Variants in PDE10A observed in about 807,000 individuals in gnomAD.
PDE10A encodes the protein phosphodiesterase 10A.
In PDE10A, 39 loss-of-function variants were observed where a neutral mutation model predicts 97.7. The ratio of observed to expected loss-of-function variants is 0.40; its 90% CI spans 0.31 to 0.52. PDE10A has a LOEUF of 0.52. PDE10A is among the 20% of genes least tolerant of loss of function. PDE10A has a pLI of 0.56. For missense variants in PDE10A, 731 were observed against 1,047.8 expected (o/e 0.70, Z 4.17); for synonymous variants, 371 against 376.8 (o/e 0.98, Z 0.18).
In PDE10A at chr6:165,433,079, C is replaced by G; in HGVS notation, c.1386G>C (p.Gln462His). ...GTGLESGTRI[Q>H]SVLCLPIVTA... Reference sequence around the variant, plus strand: ...TGACAATTGGTAAGCAAAGAACAGACTGGATACGAGTCCCTGATTCCAGTC... The same window carrying G: ...TGACAATTGGTAAGCAAAGAACAGAGTGGATACGAGTCCCTGATTCCAGTC... The change falls in exon 7 of 22, where the codon CAG becomes CAC. Residue 462 changes from glutamine (Q) to histidine (H), a missense_variant. Coordinates refer to ENST00000539869, the MANE Select transcript of PDE10A (RefSeq NM_001385079.1). The G allele has an allele frequency of 6.2e-7, 1 of 1,613,534 alleles. No homozygotes were observed.
In PDE10A at chr6:165,794,141, T is replaced by TCA. The variant is rs1441109172; in HGVS notation, c.-615+193386_-615+193387dup. On this transcript the variant is annotated intron_variant, in intron 1 of 19. Transcript: ENST00000366882. Reference sequence around the variant, plus strand: ...TACACACACACACACACGCTCACACTCACTCACACACACTCACTGCACACT... The same window carrying TCA: ...TACACACACACACACACGCTCACACTCACACTCACACACACTCACTGCACACT... Among the ~76,000 whole-genome samples the TCA allele has an allele frequency of 1.5e-3, 219 of 148,588 alleles. 2 individuals are homozygous for TCA. Among genetic ancestry groups the TCA allele is most frequent in the African/African-American group, 5.2e-3 (211 of 40,206 alleles).
intron 1 of PDE10A, among the ~76,000 whole-genome samples, chr6:165,796,096 T>C (rs12191599): frequency 0.39 from 40,694 of 103,482 alleles, 5,639 homozygotes; most frequent in Middle Eastern, 0.43. Flanking sequence ...CTTTTCTTTT[T>C]TTTTTTTTTT....
intron 2 of PDE10A, among the ~76,000 whole-genome samples, chr6:165,534,096 T>C (rs1240670626): frequency 6.6e-6 from 1 of 151,814 alleles, no homozygotes; most frequent in Non-Finnish European, 1.5e-5. Context: ...AAACCAGATA[T>C]GACAAAGGAG....
chr6:165,380,437 T>C (rs1206809686), intron 17 of PDE10A, among the ~76,000 whole-genome samples: 1 of 152,226 alleles, frequency 6.6e-6, no homozygotes, highest in African/African-American at 2.4e-5. Flanking sequence ...TTTTCAATTA[T>C]CAGAACAGTT....
chr6:165,931,982 C>G (rs1298848912), intron 1 of PDE10A, among the ~76,000 whole-genome samples: 3 of 152,200 alleles, frequency 2.0e-5, no homozygotes, highest in Admixed American at 1.3e-4. Context: ...AGGTCAGAGT[C>G]CCCTCACGAG....
intron 2 of PDE10A, among the ~76,000 whole-genome samples, chr6:165,490,081 A>G (rs1258496507): frequency 6.6e-6 from 1 of 152,238 alleles, no homozygotes; most frequent in Admixed American, 6.5e-5. Flanking sequence ...TCCAAATACA[A>G]GAAGGTCAAA....
intron 1 of PDE10A, among the ~76,000 whole-genome samples, chr6:165,598,100 A>C (rs891340653): frequency 6.6e-6 from 1 of 152,086 alleles, no homozygotes; most frequent in African/African-American, 2.4e-5. Context: ...GTCTTTTTCC[A>C]CTTACTTTTT....
chr6:165,618,987 GTGTAGT>G (rs1787860809), intron 1 of PDE10A, among the ~76,000 whole-genome samples: 2 of 151,484 alleles, frequency 1.3e-5, no homozygotes, highest in Admixed American at 1.3e-4. Context: ...GTCTAGTGTA[GTGTAGT>G]CTAGTGTAGT....
At chr6:165,536,283 C>A (rs1307771538) in intron 2 of PDE10A, among the ~76,000 whole-genome samples, 1 of 151,842 alleles carries the variant, frequency 6.6e-6, no homozygotes, top group Admixed American at 6.6e-5. Context: ...ATAAAGTACA[C>A]CCCTATCTCT....
At chr6:165,555,557 T>C (rs1784211401) in intron 1 of PDE10A, among the ~76,000 whole-genome samples, 1 of 152,190 alleles carries the variant, frequency 6.6e-6, no homozygotes, top group South Asian at 2.1e-4. Flanking sequence ...GCCTTCCTGT[T>C]AGAAAAGACC....
chr6:165,518,279 C>T (rs1380557164), intron 2 of PDE10A, among the ~76,000 whole-genome samples: 2 of 152,110 alleles, frequency 1.3e-5, no homozygotes, highest in African/African-American at 4.8e-5. Context: ...ACAGTAGAAC[C>T]CTTCATCTGC....
chr6:165,967,934 G>A (rs574282770), intron 1 of PDE10A, among the ~76,000 whole-genome samples: 13 of 152,168 alleles, frequency 8.5e-5, no homozygotes, highest in Non-Finnish European at 1.6e-4. Flanking sequence ...TAACCTTCCT[G>A]TAAGACATCA....
chr6:165,876,388 A>T (rs1224659578), intron 1 of PDE10A, among the ~76,000 whole-genome samples: 1 of 152,226 alleles, frequency 6.6e-6, no homozygotes, highest in Non-Finnish European at 1.5e-5. Context: ...AAGACCAGTT[A>T]ATCTGCTTAT....
intron 1 of PDE10A, among the ~76,000 whole-genome samples, chr6:165,686,813 G>A (rs1259484807): frequency 1.3e-5 from 2 of 152,184 alleles, no homozygotes; most frequent in Non-Finnish European, 2.9e-5. Flanking sequence ...GCGGCATCAC[G>A]TGCCAGCACC....
chr6:165,725,862 G>A (rs1253740978), intron 1 of PDE10A, among the ~76,000 whole-genome samples: 1 of 152,064 alleles, frequency 6.6e-6, no homozygotes, highest in Non-Finnish European at 1.5e-5. Flanking sequence ...GCCATCCTCA[G>A]CAAACTTTCA....
chr6:165,538,126 C>G (rs1783206820), intron 2 of PDE10A, among the ~76,000 whole-genome samples: 1 of 151,942 alleles, frequency 6.6e-6, no homozygotes, highest in African/African-American at 2.4e-5. Flanking sequence ...GTTTAGGGGG[C>G]ATAATTTAAA....
intron 1 of PDE10A, among the ~76,000 whole-genome samples, chr6:165,788,448 C>T (rs1447162686): frequency 1.6e-5 from 2 of 123,530 alleles, no homozygotes; most frequent in African/African-American, 3.2e-5. Flanking sequence ...ACCCAGGAGG[C>T]GGAGGTTTGC....
Position 165,388,564 on chromosome 6 carries a change from A to G in PDE10A, c.2455-111T>C, listed in dbSNP as rs939212325. ...TTTCTGGCATTAATATAGCACAAAT[A>G]CAGCATTCTGGCATAAAGAATCCTA... On this transcript the variant is annotated intron_variant, in intron 16 of 21. Coordinates refer to ENST00000539869, the MANE Select transcript of PDE10A (RefSeq NM_001385079.1). This position sits in a 1 kb window ranked among gnomAD's most constrained non-coding sequence, Gnocchi z 4.0. 1.9e-5 allele frequency: 18 copies of G among 924,952 alleles called. No individual in the cohort carries two copies. The African/African-American group carries it at 2.6e-4, about 13-fold the overall frequency. The allele number at this position is 924,952 out of a possible 1,614,324, so 57.3% of individuals were successfully genotyped here. A position where few individuals can be genotyped will look rare whatever the true frequency, so the allele number is the denominator to read the frequency against.
At chr6:165,958,705 A>AGAGAAG (rs1562327666) in intron 1 of PDE10A, among the ~76,000 whole-genome samples, 1 of 141,028 alleles carries the variant, frequency 7.1e-6, no homozygotes, top group African/African-American at 2.8e-5. Context: ...AGAAAGAAAG[A>AGAGAAG]AAGAAAGAGA....
Sources: allele counts gnomAD v4.1 joint callset (sites outside exome capture counted in the v4.1 genomes callset), GRCh38; gene constraint gnomAD v4.1.1; non-coding constraint Gnocchi (gnomAD v3.1); transcripts MANE v1.5; gene names NCBI Gene and HGNC (gene_info 2026-07-23, HGNC 2026-07-21).